RFT1: variants seen among roughly 807,000 people sequenced by gnomAD.
RFT1 encodes RFT1 glycolipid translocator homolog, also known as man(5)GlcNAc(2)-PP-dolichol translocation protein RFT1.
A neutral mutation model predicts 62.2 loss-of-function variants in RFT1; 43 were observed. The observed-to-expected ratio is 0.69, with a 90% CI of 0.54 to 0.89. RFT1 has a LOEUF of 0.89. Among genes scored for constraint, RFT1 ranks in the 40% least tolerant of loss-of-function variants. RFT1 has a pLI of 0.00. For synonymous variants in RFT1, 262 were observed against 264.6 expected (o/e 0.99, Z 0.10); for missense variants, 605 against 649.9 (o/e 0.93, Z 0.75).
chr3:53,101,002 G>C (rs912050632), intron 10 of RFT1, among the ~76,000 whole-genome samples: 2 of 152,088 alleles, frequency 1.3e-5, no homozygotes, highest in African/African-American at 4.8e-5. Flanking sequence ...AAGAAAAGGA[G>C]GGGGACTGAA....
chr3:53,078,444 A>T, the RFT1 span, among the ~76,000 whole-genome samples: 2 of 152,188 alleles, frequency 1.3e-5, no homozygotes, highest in Admixed American at 6.5e-5. Context: ...AAAATAACAC[A>T]TGGTATAGAA....
chr3:53,090,619 T>A lies in RFT1; in HGVS notation c.*1284A>T, dbSNP rs1292783253. ...GCAGATTTAAATACATGCATTTTAA[T>A]GCATGATAGGAGTTGCCCTTACTGG... is the stretch of plus-strand genomic sequence containing the variant. On this transcript the variant is annotated 3_prime_UTR_variant, in exon 13 of 13. Transcript: ENST00000296292. The A allele has an allele frequency of 1.3e-5, 2 of 152,226 alleles. No individual in the cohort carries two copies. Among genetic ancestry groups the A allele is most frequent in the African/African-American group, 4.8e-5 (2 of 41,462 alleles). The allele number at this position is 152,226 out of a possible 1,614,324, so 9.4% of individuals were successfully genotyped here. A position where few individuals can be genotyped will look rare whatever the true frequency, so the allele number is the denominator to read the frequency against.
chr3:53,126,139 C>T, intron 1 of RFT1, 145 bp from the exon 2 acceptor site: 1 of 650,526 alleles, frequency 1.5e-6, no homozygotes, highest in Non-Finnish European at 2.8e-6. Flanking sequence ...CTAAGACGCC[C>T]AACCTGTCTG....
Position 53,122,307 on chromosome 3 carries a change from C to A in RFT1, c.456+67G>T, listed in dbSNP as rs1701991413. 9 of 1,458,162 alleles carry A rather than the reference C, an allele frequency of 6.2e-6. No individual in the cohort carries two copies. The South Asian group carries it at 1.0e-4, about 17-fold the overall frequency. The allele number at this position is 1,458,162 out of a possible 1,614,324, so 90.3% of individuals were successfully genotyped here. ...AATCATTCATTCTCTCCTATAAAAGCATTTTTAAAAAACAACGCTTTTTCT... is the reference window on the plus strand; with the variant it reads ...AATCATTCATTCTCTCCTATAAAAGAATTTTTAAAAAACAACGCTTTTTCT... On this transcript the variant is annotated intron_variant, in intron 4 of 12. Coordinates refer to ENST00000296292, the MANE Select transcript of RFT1 (RefSeq NM_052859.4).
Position 53,092,000 on chromosome 3 carries a change from C to T in RFT1, c.1529G>A (p.Gly510Glu), listed in dbSNP as rs142016662. Residue 510 changes from glycine to glutamate, a missense_variant, in exon 13 of 13, where the codon GGA becomes GAA. Gly to Glu is a moderately conservative substitution (Grantham distance 98, BLOSUM62 -2). Transcript: ENST00000296292. Reference protein sequence around the residue: ...AHIAVGAFCLGATLGTAFLTE... With the variant: ...AHIAVGAFCLEATLGTAFLTE... ...GAGGAATGCTGTCCCGAGAGTTGCT[C>T]CCAGACAGAAGGCCCCCACAGCAAT... is the stretch of plus-strand genomic sequence containing the variant. 424 of 1,614,142 alleles carry T rather than the reference C, an allele frequency of 2.6e-4. No homozygotes were observed. Among genetic ancestry groups the T allele is most frequent in the Non-Finnish European group, 3.4e-4 (402 of 1,180,050 alleles).
chr3:53,093,267 CAG>C (rs1306716589), intron 11 of RFT1, among the ~76,000 whole-genome samples: 1 of 152,188 alleles, frequency 6.6e-6, no homozygotes, highest in Admixed American at 6.5e-5. Flanking sequence ...TGCTATTTTC[CAG>C]ACTCTTACAT....
chr3:53,083,052 T>C, the RFT1 span, among the ~76,000 whole-genome samples: 12 of 150,670 alleles, frequency 8.0e-5, no homozygotes, highest in Non-Finnish European at 1.3e-4. Context: ...TTTAAAAAAA[T>C]TAGCTGGGTG....
chr3:53,092,939 T>C (rs1360304415), intron 11 of RFT1, among the ~76,000 whole-genome samples: 1 of 152,212 alleles, frequency 6.6e-6, no homozygotes, highest in East Asian at 1.9e-4. Context: ...ACCTGGGTAA[T>C]TAGACATTGG....
At chr3:53,103,718 T>G in intron 10 of RFT1, 1 of 550,494 alleles carries the variant, frequency 1.8e-6, no homozygotes, top group South Asian at 2.0e-5. Flanking sequence ...GAAGTCCTAA[T>G]AACTTCTCCA....
the RFT1 span, among the ~76,000 whole-genome samples, chr3:53,079,892 G>A: frequency 6.6e-6 from 1 of 151,438 alleles, no homozygotes; most frequent in Non-Finnish European, 1.5e-5. Context: ...CCTGTGATGA[G>A]TGGGTTCAAG....
rs549199208 is a variant in RFT1 at position 53,092,380 on chromosome 3, C to A, written c.1447G>T (p.Ala483Ser). Residue 483 changes from alanine to serine, a missense_variant, in exon 12 of 13, where the codon GCT becomes TCT. Ala to Ser is a moderately conservative substitution (Grantham distance 99). Coordinates refer to ENST00000296292, the MANE Select transcript of RFT1 (RefSeq NM_052859.4). ...TCAGGGAGTCTCACCTCCGAAACAG[C>A]AGTAACCCCACCACTGAGGGCAAAT... Reference protein sequence around the residue: ...GTFALSGGVTAVSEVFLCCEQ... With the variant: ...GTFALSGGVTSVSEVFLCCEQ... 3.7e-5 allele frequency: 59 copies of A among 1,601,790 alleles called. No homozygotes were observed. In the African/African-American group the frequency reaches 4.4e-4, roughly 12 times the overall value.
In RFT1 at chr3:53,115,904, C is replaced by T. The variant is rs572665496; in HGVS notation, c.696+3980G>A. On this transcript the variant is annotated intron_variant, in intron 6 of 12. Coordinates refer to ENST00000296292, the MANE Select transcript of RFT1 (RefSeq NM_052859.4). ...ACCATGCAAGTTCTGAGGGTAGGGG[C>T]CTCACTCAGGGCACCTGGTACAGTG... Among the ~76,000 whole-genome samples, 4 of 152,334 alleles carry T rather than the reference C, an allele frequency of 2.6e-5. No homozygotes were observed. The South Asian group carries it at 6.2e-4, about 24-fold the overall frequency.
At chr3:53,103,381 T>G (rs992754657) in intron 10 of RFT1, 10 of 492,924 alleles carry the variant, frequency 2.0e-5, no homozygotes, top group African/African-American at 1.9e-4. Context: ...TAACAAGTGC[T>G]GTGAGATCCT....
At chr3:53,130,241 C>T (rs1453074923) in intron 1 of RFT1, 97 bp downstream of exon 1, 2 of 1,253,914 alleles carry the variant, frequency 1.6e-6, no homozygotes, top group African/African-American at 3.0e-5. Flanking sequence ...CACCTCGGGA[C>T]TGGGTCGGCC....
intron 2 of RFT1, among the ~76,000 whole-genome samples, chr3:53,125,497 T>C (rs1449320905): frequency 1.3e-5 from 2 of 152,032 alleles, no homozygotes; most frequent in Non-Finnish European, 2.9e-5. Flanking sequence ...GGAAGGAAGG[T>C]GGCTGCTCCA....
chr3:53,092,401 C>G lies in RFT1; in HGVS notation c.1426G>C (p.Ala476Pro), dbSNP rs1024359621. The G allele has an allele frequency of 1.9e-6, 3 of 1,605,758 alleles. No homozygotes were observed. The African/African-American group carries it at 4.0e-5, about 21-fold the overall frequency. ...ACAGCAGTAACCCCACCACTGAGGGCAAATGTCCCGAGCAGGACTGGCGAT... is the reference window on the plus strand; with the variant it reads ...ACAGCAGTAACCCCACCACTGAGGGGAAATGTCCCGAGCAGGACTGGCGAT... ...HLSPVLLGTF[A>P]LSGGVTAVSE... is the part of the protein sequence containing the mutation. The change falls in exon 12 of 13, where the codon GCC (alanine) becomes CCC (proline). Residue 476 changes from alanine (A) to proline (P), a missense_variant. Coordinates refer to ENST00000296292, the MANE Select transcript of RFT1 (RefSeq NM_052859.4).
At chr3:53,073,342 G>A in the RFT1 span, among the ~76,000 whole-genome samples, 1 of 152,220 alleles carries the variant, frequency 6.6e-6, no homozygotes, top group Non-Finnish European at 1.5e-5. Context: ...ACACAAAAGG[G>A]GCTTTGCCTC....
chr3:53,106,781 T>C (rs752075068), intron 8 of RFT1, 38 bp downstream of exon 8: 1 of 1,417,076 alleles, frequency 7.1e-7, no homozygotes, highest in East Asian at 2.3e-5. Flanking sequence ...ATTAATAGTG[T>C]TCACCTTTAA....
At position 53,105,729 on chromosome 3, in the gene RFT1, A is replaced by G. The variant is rs947641452; in HGVS notation, c.901T>C (p.Tyr301His). The change falls in exon 9 of 13, where the codon TAT (tyrosine) becomes CAT (histidine). Residue 301 changes from tyrosine (Y) to histidine (H), a missense_variant. Physicochemically the swap from Tyr to His is moderately conservative, Grantham distance 83. Transcript: ENST00000296292. The stretch of plus-strand genomic sequence containing the variant: ...TCCAGCACCTTAGCAAAAAATATAT[A>G]AAAACTTTCCTCTATTGGCTGGAAA... ...LIFQPIEESFYIFFAKVLERG... is the reference protein window; with the variant it reads ...LIFQPIEESFHIFFAKVLERG... 2.5e-6 allele frequency: 4 copies of G among 1,613,938 alleles called. No individual in the cohort carries two copies. The highest frequency in any genetic ancestry group is 3.4e-6 in the Non-Finnish European group (4 of 1,179,884).
Sources: gnomAD v4.1 joint callset for allele counts (sites outside exome capture counted in the v4.1 genomes callset) on GRCh38, gnomAD v4.1.1 for gene constraint, MANE v1.5 for transcripts, NCBI Gene and HGNC (gene_info 2026-07-23, HGNC 2026-07-21) for gene names.